BCAR3: variants seen among roughly 807,000 people sequenced by gnomAD.
The protein encoded by BCAR3 is breast cancer anti-estrogen resistance protein 3.
Under a neutral mutation model 80.1 loss-of-function variants are expected in BCAR3, and 37 were observed. The observed-to-expected ratio is 0.46, with a 90% CI of 0.36 to 0.61. The LOEUF is 0.61. BCAR3 is among the 20% of genes least tolerant of loss of function. The pLI is 0.00. For missense variants in BCAR3, 978 were observed against 1,068.2 expected (o/e 0.92, Z 1.18); for synonymous variants, 389 against 418.9 (o/e 0.93, Z 0.87).
intron 11 of BCAR3, among the ~76,000 whole-genome samples, chr1:93,566,450 C>T (rs1672955070): frequency 6.6e-6 from 1 of 152,168 alleles, no homozygotes; most frequent in African/African-American, 2.4e-5. Context: ...ATCCAGTTAG[C>T]ACGGTGCCGC....
chr1:93,722,161 A>T (rs1650429628), intron 2 of BCAR3, among the ~76,000 whole-genome samples: 2 of 152,162 alleles, frequency 1.3e-5, no homozygotes, highest in South Asian at 4.2e-4. Context: ...AGGCCTATGG[A>T]AGGGAGGGCC....
intron 11 of BCAR3, among the ~76,000 whole-genome samples, chr1:93,566,976 C>T (rs1378053993): frequency 6.6e-6 from 1 of 152,178 alleles, no homozygotes; most frequent in Non-Finnish European, 1.5e-5. Flanking sequence ...GATCTACCTG[C>T]CTCAGCCTCC....
intron 2 of BCAR3, among the ~76,000 whole-genome samples, chr1:93,736,794 T>A (rs985578770): frequency 2.0e-5 from 3 of 152,172 alleles, no homozygotes; most frequent in Admixed American, 2.0e-4. Context: ...GTAGGCAAAA[T>A]GAGCAAAGCT....
chr1:93,837,788 T>C (rs1014513709), intron 2 of BCAR3, among the ~76,000 whole-genome samples: 11 of 152,212 alleles, frequency 7.2e-5, no homozygotes, highest in Admixed American at 7.2e-4. Context: ...TAATGAGTGG[T>C]ACAGTGTGGG....
intron 3 of BCAR3, among the ~76,000 whole-genome samples, chr1:93,694,166 G>T (rs1649300953): frequency 6.6e-6 from 1 of 152,200 alleles, no homozygotes. Context: ...GCTCCTGGTG[G>T]AACTTCCGGT....
At chr1:93,577,740 C>T (rs967573581) in intron 7 of BCAR3, among the ~76,000 whole-genome samples, 3 of 152,138 alleles carry the variant, frequency 2.0e-5, no homozygotes, top group Non-Finnish European at 4.4e-5. Context: ...TGCCCTCTGT[C>T]AGAGGTCCCA....
chr1:93,657,644 C>G (rs532758035), intron 2 of BCAR3, among the ~76,000 whole-genome samples: 74 of 148,494 alleles, frequency 5.0e-4, no homozygotes, highest in African/African-American at 1.7e-3. Context: ...ACCACATTCA[C>G]AGATTAAAAG....
At chr1:93,765,700 G>T (rs1652122664) in intron 2 of BCAR3, among the ~76,000 whole-genome samples, 1 of 149,230 alleles carries the variant, frequency 6.7e-6, no homozygotes, top group Admixed American at 6.7e-5. Flanking sequence ...AGAGAGTCTT[G>T]CTGTCACACA....
intron 2 of BCAR3, among the ~76,000 whole-genome samples, chr1:93,661,824 T>C (rs532962532): frequency 6.6e-6 from 1 of 152,342 alleles, no homozygotes; most frequent in East Asian, 1.9e-4. Flanking sequence ...ATAAAACTTC[T>C]AGATGTGCGC....
intron 3 of BCAR3, among the ~76,000 whole-genome samples, chr1:93,623,618 G>T (rs1422467480): frequency 1.3e-5 from 2 of 152,208 alleles, no homozygotes; most frequent in Admixed American, 1.3e-4. Context: ...GAGAGAGGCA[G>T]ATGCAAGAGA....
intron 2 of BCAR3, among the ~76,000 whole-genome samples, chr1:93,797,498 T>G (rs566079468): frequency 6.6e-6 from 1 of 152,246 alleles, no homozygotes; most frequent in African/African-American, 2.4e-5. Context: ...GTAAAGTTGG[T>G]TCATATAAAC....
intron 2 of BCAR3, among the ~76,000 whole-genome samples, chr1:93,844,232 G>C (rs570894129): frequency 1.3e-5 from 2 of 152,236 alleles, no homozygotes; most frequent in Non-Finnish European, 2.9e-5. Context: ...GCTTCAACTC[G>C]GGAAATGGAG....
At chr1:93,764,735 A>G (rs532376164) in intron 2 of BCAR3, among the ~76,000 whole-genome samples, 9 of 151,998 alleles carry the variant, frequency 5.9e-5, no homozygotes, top group African/African-American at 1.9e-4. Flanking sequence ...TTCCACACCT[A>G]CCTGGGTTCT....
intron 2 of BCAR3, among the ~76,000 whole-genome samples, chr1:93,834,310 T>C (rs1654685330): frequency 6.6e-6 from 1 of 152,178 alleles, no homozygotes; most frequent in African/African-American, 2.4e-5. Context: ...GTCTTGCCTA[T>C]CCACCCTATG....
At chr1:93,691,833 A>C (rs1275640546) in intron 3 of BCAR3, among the ~76,000 whole-genome samples, 1 of 152,170 alleles carries the variant, frequency 6.6e-6, no homozygotes, top group Non-Finnish European at 1.5e-5. Flanking sequence ...TTTTCTAATA[A>C]GACATGAATA....
intron 3 of BCAR3, among the ~76,000 whole-genome samples, chr1:93,600,217 T>C (rs779164684): frequency 4.6e-5 from 7 of 152,222 alleles, no homozygotes; most frequent in Non-Finnish European, 1.0e-4. Context: ...GCCCTGTTCC[T>C]CCAGAATCCT....
intron 2 of BCAR3, among the ~76,000 whole-genome samples, chr1:93,719,314 C>A (rs1021350162): frequency 3.7e-5 from 5 of 136,776 alleles, no homozygotes; most frequent in African/African-American, 1.4e-4. Context: ...GTAAGTTAGT[C>A]TCTATATTTA....
intron 3 of BCAR3, among the ~76,000 whole-genome samples, chr1:93,633,508 A>C (rs1675687830): frequency 6.6e-6 from 1 of 152,206 alleles, no homozygotes; most frequent in Non-Finnish European, 1.5e-5. Context: ...GCAGTCAAAA[A>C]TCTTCAAGCT....
At chr1:93,728,958 G>C (rs527680781) in intron 2 of BCAR3, among the ~76,000 whole-genome samples, 18 of 152,030 alleles carry the variant, frequency 1.2e-4, no homozygotes, top group African/African-American at 4.4e-4. Context: ...CAGGGACCAC[G>C]CCCTCCTCTA....
Sources: allele counts gnomAD v4.1 joint callset (sites outside exome capture counted in the v4.1 genomes callset), GRCh38; gene constraint gnomAD v4.1.1; transcripts MANE v1.5; gene names NCBI Gene and HGNC (gene_info 2026-07-23, HGNC 2026-07-21).